The following MAP3K7CL variants were observed in gnomAD, a reference collection of about 807,000 sequenced individuals.
The protein encoded by MAP3K7CL is MAP3K7 C-terminal like, also known as MAP3K7 C-terminal-like protein.
MAP3K7CL carries 16 observed loss-of-function variants against 18.6 expected under a neutral mutation model. The ratio of observed to expected loss-of-function variants is 0.86; its 90% CI spans 0.58 to 1.31. The LOEUF (loss-of-function observed/expected upper bound fraction) is 1.31, where lower values mean the gene tolerates loss of function less well. Among genes scored for constraint, MAP3K7CL ranks in the 50% most tolerant of loss-of-function variants. MAP3K7CL has a pLI of 0.00. For synonymous variants in MAP3K7CL, 65 were observed against 66.8 expected (o/e 0.97, Z 0.13); for missense variants, 163 against 174.4 (o/e 0.93, Z 0.37).
chr21:29,159,169 G>GC, intron 3 of MAP3K7CL, among the ~76,000 whole-genome samples: 1 of 151,966 alleles, frequency 6.6e-6, no homozygotes, highest in East Asian at 1.9e-4. Context: ...GATCCACCTG[G>GC]CCTAAAAGTA....
upstream of MAP3K7CL, among the ~76,000 whole-genome samples, chr21:29,128,506 G>A (rs906700078): frequency 2.0e-5 from 3 of 152,076 alleles, no homozygotes; most frequent in African/African-American, 7.2e-5. Flanking sequence ...GTTTCACCAT[G>A]TTAGCCAGGA....
At chr21:29,081,096 A>T (rs771436863), upstream of MAP3K7CL, among the ~76,000 whole-genome samples, 49 of 152,214 alleles carry the variant, frequency 3.2e-4, no homozygotes, top group Admixed American at 2.6e-4. Context: ...TGAAGTAGTC[A>T]CAGTATCTAG....
intron 3 of MAP3K7CL, among the ~76,000 whole-genome samples, chr21:29,153,383 T>C (rs1005933579): frequency 6.6e-5 from 10 of 152,010 alleles, no homozygotes. Context: ...GTAGATGATA[T>C]AGTCAGAAGA....
At chr21:29,084,069 T>C (rs2085884599), upstream of MAP3K7CL, among the ~76,000 whole-genome samples, 1 of 148,364 alleles carries the variant, frequency 6.7e-6, no homozygotes, top group African/African-American at 2.5e-5. Context: ...TATACATGTA[T>C]AATATGTATA....
At chr21:29,166,592 T>G (rs2087694372) in intron 4 of MAP3K7CL, among the ~76,000 whole-genome samples, 1 of 152,220 alleles carries the variant, frequency 6.6e-6, no homozygotes, top group Non-Finnish European at 1.5e-5. Context: ...TGGCAACCAA[T>G]AATCTACTTT....
At chr21:29,105,602 A>G (rs1430652156) in intron 4 of MAP3K7CL, among the ~76,000 whole-genome samples, 2 of 152,166 alleles carry the variant, frequency 1.3e-5, no homozygotes, top group Non-Finnish European at 2.9e-5. Flanking sequence ...AGGCAGTGGG[A>G]AAAAACATAC....
chr21:29,100,560 C>G (rs1422658391), intron 4 of MAP3K7CL, among the ~76,000 whole-genome samples: 1 of 152,002 alleles, frequency 6.6e-6, no homozygotes, highest in Non-Finnish European at 1.5e-5. Context: ...TCTCCGTTTT[C>G]TCTGTAAAAT....
chr21:29,109,135 C>A, intron 4 of MAP3K7CL: 1 of 1,535,400 alleles, frequency 6.5e-7, no homozygotes, highest in Middle Eastern at 1.7e-4. Context: ...ACTGAAGATG[C>A]TTGTTTCTTC....
At chr21:29,101,324 T>A (rs2146531145) in intron 4 of MAP3K7CL, among the ~76,000 whole-genome samples, 1 of 152,316 alleles carries the variant, frequency 6.6e-6, no homozygotes, top group South Asian at 2.1e-4. Flanking sequence ...AGATACTGGG[T>A]CAAGTAATAA....
intron 4 of MAP3K7CL, among the ~76,000 whole-genome samples, chr21:29,108,877 A>G (rs925649990): frequency 6.6e-6 from 1 of 152,220 alleles, no homozygotes; most frequent in African/African-American, 2.4e-5. Flanking sequence ...ACAGTCAAAA[A>G]TAATTTTGCA....
intron 4 of MAP3K7CL, among the ~76,000 whole-genome samples, chr21:29,094,064 A>G (rs1176889604): frequency 1.3e-5 from 2 of 152,242 alleles, no homozygotes; most frequent in Non-Finnish European, 2.9e-5. Flanking sequence ...GCTTGGACCA[A>G]TCTAGGTCAT....
At chr21:29,124,454 A>C (rs2086650865) in intron 4 of MAP3K7CL, among the ~76,000 whole-genome samples, 1 of 152,240 alleles carries the variant, frequency 6.6e-6, no homozygotes. Flanking sequence ...TTCATAAATA[A>C]AATATTTAGA....
intron 2 of MAP3K7CL, among the ~76,000 whole-genome samples, chr21:29,134,688 A>G (rs1373588616): frequency 6.6e-6 from 1 of 152,200 alleles, no homozygotes; most frequent in Non-Finnish European, 1.5e-5. Context: ...CAACATAGAA[A>G]TGACAACTGC....
chr21:29,113,498 G>A (rs1023666731), intron 4 of MAP3K7CL, among the ~76,000 whole-genome samples: 1 of 152,024 alleles, frequency 6.6e-6, no homozygotes, highest in Non-Finnish European at 1.5e-5. Flanking sequence ...TGCTCACTGC[G>A]GCTGGAGTGC....
intron 4 of MAP3K7CL, among the ~76,000 whole-genome samples, chr21:29,105,297 C>T (rs115655454): frequency 1.3e-3 from 201 of 152,342 alleles, no homozygotes; most frequent in African/African-American, 4.4e-3. Context: ...TCTCTTCCTC[C>T]GCCTTCCCAT....
chr21:29,112,452 G>A (rs576109952), intron 4 of MAP3K7CL, among the ~76,000 whole-genome samples: 1 of 151,766 alleles, frequency 6.6e-6, no homozygotes, highest in East Asian at 1.9e-4. Flanking sequence ...TATTAACCTA[G>A]GATTTTTTAA....
chr21:29,162,924 G>A (rs952414862), intron 4 of MAP3K7CL, among the ~76,000 whole-genome samples: 3 of 152,122 alleles, frequency 2.0e-5, no homozygotes, highest in African/African-American at 7.2e-5. Flanking sequence ...GGCCAACATG[G>A]CAAAGCCCTG....
chr21:29,097,958 A>G (rs1054741137), intron 4 of MAP3K7CL, among the ~76,000 whole-genome samples: 18 of 150,590 alleles, frequency 1.2e-4, no homozygotes, highest in Admixed American at 1.2e-3. Context: ...AATTATAGGG[A>G]AAAAATCTAG....
At chr21:29,094,590 C>CA (rs967944258) in intron 4 of MAP3K7CL, among the ~76,000 whole-genome samples, 1 of 152,122 alleles carries the variant, frequency 6.6e-6, no homozygotes, top group African/African-American at 2.4e-5. Context: ...TTAAATGGTG[C>CA]AAAATTTGTA....
Sources: allele counts gnomAD v4.1 joint callset (sites outside exome capture counted in the v4.1 genomes callset), GRCh38; gene constraint gnomAD v4.1.1; transcripts MANE v1.5; gene names NCBI Gene and HGNC (gene_info 2026-07-23, HGNC 2026-07-21).